ST6GALNAC5: variants seen among roughly 807,000 people sequenced by gnomAD.
ST6GALNAC5 encodes the protein alpha-N-acetylgalactosaminide alpha-2,6-sialyltransferase 5.
Under a neutral mutation model 33.6 loss-of-function variants are expected in ST6GALNAC5, and 27 were observed. The observed-to-expected ratio is 0.80, with a 90% CI of 0.59 to 1.11. The LOEUF is 1.11. Among genes scored for constraint, ST6GALNAC5 ranks in the 50% least tolerant of loss-of-function variants. The pLI is 0.00. For synonymous variants in ST6GALNAC5, 194 were observed against 171.2 expected (o/e 1.13, Z -1.04); for missense variants, 428 against 454.0 (o/e 0.94, Z 0.52).
chr1:76,947,527 A>G (rs1647567274), intron 2 of ST6GALNAC5, among the ~76,000 whole-genome samples: 1 of 152,074 alleles, frequency 6.6e-6, no homozygotes, highest in African/African-American at 2.4e-5. Flanking sequence ...GCTTGAGCTC[A>G]GAAGTTTGAG....
chr1:76,930,780 G>A (rs1471436403), intron 2 of ST6GALNAC5, among the ~76,000 whole-genome samples: 3 of 152,064 alleles, frequency 2.0e-5, no homozygotes, highest in Non-Finnish European at 4.4e-5. Context: ...ACACCTCCAT[G>A]TATTCATGTA....
chr1:76,935,242 G>A (rs1647188902), intron 2 of ST6GALNAC5, among the ~76,000 whole-genome samples: 1 of 152,080 alleles, frequency 6.6e-6, no homozygotes, highest in Non-Finnish European at 1.5e-5. Flanking sequence ...TAACGACAGT[G>A]TGTCAAAGTG....
At chr1:76,940,753 G>A (rs551579876) in intron 2 of ST6GALNAC5, among the ~76,000 whole-genome samples, 6 of 152,062 alleles carry the variant, frequency 3.9e-5, no homozygotes, top group South Asian at 4.2e-4. Context: ...TCCACACCCC[G>A]CTGACAGTCT....
intron 2 of ST6GALNAC5, among the ~76,000 whole-genome samples, chr1:76,980,447 A>G (rs1321233452): frequency 2.6e-5 from 4 of 152,228 alleles, no homozygotes; most frequent in Non-Finnish European, 5.9e-5. Flanking sequence ...ACTGTTACAC[A>G]TAAAGGTGTA....
chr1:77,044,789 C>A (rs1320824294), intron 3 of ST6GALNAC5, among the ~76,000 whole-genome samples, 176 bp downstream of exon 3: 1 of 152,056 alleles, frequency 6.6e-6, no homozygotes, highest in Non-Finnish European at 1.5e-5. Flanking sequence ...GCTGACTTTA[C>A]AAGACAAAGT....
intron 4 of ST6GALNAC5, among the ~76,000 whole-genome samples, chr1:77,052,748 G>A (rs926601635): frequency 3.3e-5 from 5 of 151,156 alleles, no homozygotes; most frequent in Non-Finnish European, 7.4e-5. Context: ...ACGAAACCCT[G>A]TCTCTACAAA....
At chr1:76,906,622 A>T (rs1186112093) in intron 2 of ST6GALNAC5, among the ~76,000 whole-genome samples, 3 of 152,164 alleles carry the variant, frequency 2.0e-5, no homozygotes, top group Non-Finnish European at 4.4e-5. Flanking sequence ...ATTTATAAAG[A>T]TACTTCTGAT....
At chr1:77,021,400 T>A (rs1651049616) in intron 2 of ST6GALNAC5, among the ~76,000 whole-genome samples, 1 of 152,180 alleles carries the variant, frequency 6.6e-6, no homozygotes, top group Non-Finnish European at 1.5e-5. Context: ...CCCTCTGGAA[T>A]TAGCAAATGA....
chr1:76,906,262 C>G (rs961121871), intron 2 of ST6GALNAC5, among the ~76,000 whole-genome samples: 3 of 152,074 alleles, frequency 2.0e-5, no homozygotes, highest in African/African-American at 7.2e-5. Flanking sequence ...GTTGCACACC[C>G]CTAACCAAAG....
At chr1:77,022,112 G>A (rs1339987042) in intron 2 of ST6GALNAC5, among the ~76,000 whole-genome samples, 1 of 152,172 alleles carries the variant, frequency 6.6e-6, no homozygotes, top group African/African-American at 2.4e-5. Context: ...CTCTTCTGCA[G>A]GAGAGTAGTG....
intron 2 of ST6GALNAC5, among the ~76,000 whole-genome samples, chr1:76,917,550 G>A (rs778790476): frequency 2.6e-5 from 4 of 151,958 alleles, no homozygotes; most frequent in Middle Eastern, 3.4e-3. Context: ...AAATTTTGAT[G>A]TCTTGTTTTT....
intron 2 of ST6GALNAC5, among the ~76,000 whole-genome samples, chr1:76,975,745 C>T (rs138682673): frequency 2.6e-5 from 4 of 152,180 alleles, no homozygotes; most frequent in South Asian, 2.1e-4. Flanking sequence ...TTTAGGAATG[C>T]GTATTTTAAG....
intron 4 of ST6GALNAC5, among the ~76,000 whole-genome samples, chr1:77,055,292 A>G (rs1652354622): frequency 6.6e-6 from 1 of 152,176 alleles, no homozygotes; most frequent in African/African-American, 2.4e-5. Context: ...TTCATAAAGG[A>G]ACTCACCCTG....
At chr1:76,908,912 A>T (rs1377678759) in intron 2 of ST6GALNAC5, among the ~76,000 whole-genome samples, 1 of 152,200 alleles carries the variant, frequency 6.6e-6, no homozygotes, top group East Asian at 1.9e-4. Context: ...GCTCTAAGAA[A>T]TTGAAGTTTT....
At chr1:76,995,588 G>T (rs1270354379) in intron 2 of ST6GALNAC5, 1 of 151,558 alleles carries the variant, frequency 6.6e-6, no homozygotes, top group Non-Finnish European at 1.5e-5. Flanking sequence ...CTCTCTCCTA[G>T]AGTTAAATTT....
chr1:76,949,122 A>G (rs1427735350), intron 2 of ST6GALNAC5, among the ~76,000 whole-genome samples: 1 of 152,184 alleles, frequency 6.6e-6, no homozygotes, highest in Admixed American at 6.5e-5. Context: ...TCAGCCACAC[A>G]TCACACACAA....
At chr1:77,003,531 A>G (rs10430043) in intron 2 of ST6GALNAC5, among the ~76,000 whole-genome samples, 51,019 of 120,262 alleles carry the variant, frequency 0.42, 10,356 homozygotes, top group East Asian at 0.59. Context: ...TGATCCTGTC[A>G]TTATGATGTT....
chr1:76,972,158 A>T (rs1180044510), intron 2 of ST6GALNAC5, among the ~76,000 whole-genome samples: 1 of 152,206 alleles, frequency 6.6e-6, no homozygotes, highest in African/African-American at 2.4e-5. Flanking sequence ...ATCATGGTGG[A>T]AGGCGAAGGA....
At chr1:76,995,679 A>C (rs1649905293) in intron 2 of ST6GALNAC5, among the ~76,000 whole-genome samples, 1 of 151,690 alleles carries the variant, frequency 6.6e-6, no homozygotes, top group Admixed American at 6.6e-5. Context: ...AATATGACAT[A>C]ATAATATAAT....
Sources: gnomAD v4.1 joint callset for allele counts (sites outside exome capture counted in the v4.1 genomes callset) on GRCh38, gnomAD v4.1.1 for gene constraint, MANE v1.5 for transcripts, NCBI Gene and HGNC (gene_info 2026-07-23, HGNC 2026-07-21) for gene names.